The following METTL21A variants were observed in gnomAD, a reference collection of about 807,000 sequenced individuals.
METTL21A encodes the protein methyltransferase 21A, HSPA lysine.
In METTL21A, 22 loss-of-function variants were observed where a neutral mutation model predicts 20.9. That is an observed-to-expected ratio of 1.05 (90% CI 0.75 to 1.50). The LOEUF is 1.50. Ranked by LOEUF, METTL21A falls within the 40% of genes most tolerant of loss-of-function variation. The pLI is 0.00. For synonymous variants in METTL21A, 93 were observed against 102.0 expected, an observed-to-expected ratio of 0.91 and a Z score of 0.53; for missense variants, 271 against 266.8, an observed-to-expected ratio of 1.02 and a Z score of -0.11.
chr2:207,624,548 T>C, intron 1 of METTL21A, 144 bp from the exon 2 acceptor site: 1 of 649,036 alleles, frequency 1.5e-6, no homozygotes, highest in Non-Finnish European at 2.4e-6. Flanking sequence ...CAATTTCTTT[T>C]GCATGGCTCT....
At chr2:207,595,553 G>A (rs996300487) in intron 3 of METTL21A, among the ~76,000 whole-genome samples, 7 of 151,528 alleles carry the variant, frequency 4.6e-5, no homozygotes, top group Non-Finnish European at 7.4e-5. Context: ...GAGACTACAC[G>A]CACACACCAC....
At chr2:207,598,803 GCA>G (rs1397932634) in intron 3 of METTL21A, 1 of 170,528 alleles carries the variant, frequency 5.9e-6, no homozygotes, top group Non-Finnish European at 1.3e-5. Flanking sequence ...AGCCGAGATA[GCA>G]CCATTGCACT....
At chr2:207,623,085 G>C (rs1378213671) in intron 2 of METTL21A, among the ~76,000 whole-genome samples, 1 of 152,014 alleles carries the variant, frequency 6.6e-6, no homozygotes. Flanking sequence ...TGTATTTTCA[G>C]TAGAGATGGA....
chr2:207,624,056 A>G (rs1328658716), intron 2 of METTL21A, among the ~76,000 whole-genome samples, 173 bp downstream of exon 2: 1 of 152,230 alleles, frequency 6.6e-6, no homozygotes, highest in Non-Finnish European at 1.5e-5. Context: ...TAATAGTTGC[A>G]CTACTCTGTG....
rs369912185 is a variant in METTL21A, at chr2:207,589,931, AGG to A, written c.260-7773_260-7772del. Among the ~76,000 whole-genome samples the A allele has an allele frequency of 5.9e-5, 9 of 152,236 alleles. No homozygotes were observed. The East Asian group carries it at 1.5e-3, about 26-fold the overall frequency. On this transcript the variant is annotated intron_variant, in intron 3 of 3. Transcript: ENST00000425132. ...GTTTCTTTGCCGTGAGTTTGTTATT[AGG>A]GTAATGCTGACCTTATAAATGAGGT... is the stretch of plus-strand genomic sequence containing the variant.
At chr2:207,620,816 A>T in intron 3 of METTL21A, 1 of 856,332 alleles carries the variant, frequency 1.2e-6, no homozygotes. Flanking sequence ...AATAGTGAAA[A>T]AGTATTGGGT....
chr2:207,587,022 T>A (rs1250991006), intron 3 of METTL21A, among the ~76,000 whole-genome samples: 1 of 152,168 alleles, frequency 6.6e-6, no homozygotes, highest in Non-Finnish European at 1.5e-5. Flanking sequence ...TCTAACTCTT[T>A]GTGTTAGAAT....
chr2:207,623,431 C>A (rs377306294), intron 2 of METTL21A, among the ~76,000 whole-genome samples: 1 of 152,170 alleles, frequency 6.6e-6, no homozygotes, highest in Non-Finnish European at 1.5e-5. Flanking sequence ...CAAGTCAGAA[C>A]AGGGCAGGGA....
chr2:207,590,009 AT>A (rs558735115), intron 3 of METTL21A, among the ~76,000 whole-genome samples: 95 of 145,268 alleles, frequency 6.5e-4, no homozygotes, highest in African/African-American at 2.4e-3. Context: ...TAATATTTGT[AT>A]TATTTAAGCC....
At chr2:207,620,633 A>C in intron 3 of METTL21A, 2 of 1,530,800 alleles carry the variant, frequency 1.3e-6, no homozygotes, top group Non-Finnish European at 1.7e-6. Flanking sequence ...GAATGTTCTA[A>C]GGCTCACCTG....
At chr2:207,621,369 T>C (rs1254750267) in intron 3 of METTL21A, among the ~76,000 whole-genome samples, 2 of 152,164 alleles carry the variant, frequency 1.3e-5, no homozygotes, top group Admixed American at 1.3e-4. Flanking sequence ...ACCAGCAAAG[T>C]TTCCTCAGCA....
intron 3 of METTL21A, among the ~76,000 whole-genome samples, chr2:207,589,123 A>G (rs2084478740): frequency 6.6e-6 from 1 of 152,138 alleles, no homozygotes; most frequent in Admixed American, 6.5e-5. Context: ...AACTGCCACA[A>G]ACTTACTGGC....
At chr2:207,623,756 G>A (rs1475505587) in intron 2 of METTL21A, among the ~76,000 whole-genome samples, 15 of 152,202 alleles carry the variant, frequency 9.9e-5, no homozygotes, top group Non-Finnish European at 1.5e-5. Flanking sequence ...CAGAGGCTGA[G>A]GTGGGAGAAT....
chr2:207,588,488 T>A (rs1287746582), intron 3 of METTL21A, among the ~76,000 whole-genome samples: 2 of 152,186 alleles, frequency 1.3e-5, no homozygotes, highest in South Asian at 4.1e-4. Context: ...TTCTTAAAAT[T>A]GTTTGGCTAT....
intron 3 of METTL21A, among the ~76,000 whole-genome samples, chr2:207,596,586 G>A (rs1177016390): frequency 1.3e-5 from 2 of 152,054 alleles, no homozygotes; most frequent in African/African-American, 4.8e-5. Flanking sequence ...GGCATGTGCC[G>A]CCACACCCCG....
At chr2:207,584,494 C>T (rs2083463381) in intron 3 of METTL21A, among the ~76,000 whole-genome samples, 1 of 152,158 alleles carries the variant, frequency 6.6e-6, no homozygotes, top group South Asian at 2.1e-4. Flanking sequence ...ACCTCTGCCT[C>T]CTGGGTTCAA....
At position 207,598,820 on chromosome 2, in the gene METTL21A, C is replaced by T. The variant is rs146786929; in HGVS notation, c.260-16660G>A. On this transcript the variant is annotated intron_variant, in intron 3 of 3. Transcript: ENST00000425132. ...CCGAGATAGCACCATTGCACTCCAG[C>T]CTGGGCGACTCCATCTCAAAAAATA... 9.9e-3 allele frequency: 1,681 copies of T among 170,446 alleles called. 33 individuals are homozygous for T. The highest frequency in any genetic ancestry group is 0.038 in the African/African-American group (1,587 of 41,572). The allele number at this position is 170,446 out of a possible 1,614,324, so 10.6% of individuals were successfully genotyped here.
chr2:207,605,314 G>T (rs2087904377), downstream of METTL21A, among the ~76,000 whole-genome samples: 1 of 152,180 alleles, frequency 6.6e-6, no homozygotes, highest in African/African-American at 2.4e-5. Flanking sequence ...GATTACTAAT[G>T]ATGTGGAGCA....
chr2:207,599,452 G>C, intron 3 of METTL21A: 1 of 198,176 alleles, frequency 5.0e-6, no homozygotes. Flanking sequence ...TACTTACTGG[G>C]AAGTTGGTGG....
Sources: gnomAD v4.1 joint callset for allele counts (sites outside exome capture counted in the v4.1 genomes callset) on GRCh38, gnomAD v4.1.1 for gene constraint, MANE v1.5 for transcripts, NCBI Gene and HGNC (gene_info 2026-07-23, HGNC 2026-07-21) for gene names.